GALNTL6: variants seen among roughly 807,000 people sequenced by gnomAD.
GALNTL6 encodes the protein polypeptide N-acetylgalactosaminyltransferase-like 6.
In GALNTL6, 46 loss-of-function variants were observed where a neutral mutation model predicts 73.7. The observed-to-expected ratio is 0.62, with a 90% confidence interval of 0.49 to 0.80. GALNTL6 has a LOEUF of 0.80. Among genes scored for constraint, GALNTL6 ranks in the 30% least tolerant of loss-of-function variants. GALNTL6 has a pLI of 0.00. For synonymous variants in GALNTL6, 259 were observed against 263.7 expected (o/e 0.98, Z 0.17); for missense variants, 604 against 755.0 (o/e 0.80, Z 2.34).
chr4:171,966,780 A>T (rs562552582), intron 2 of GALNTL6, among the ~76,000 whole-genome samples: 11 of 152,024 alleles, frequency 7.2e-5, no homozygotes, highest in Non-Finnish European at 1.5e-4. Context: ...TGCTCTTTCT[A>T]TTGTGTTATT....
chr4:172,684,044 G>A (rs1232075787), intron 5 of GALNTL6, among the ~76,000 whole-genome samples: 1 of 152,148 alleles, frequency 6.6e-6, no homozygotes, highest in Non-Finnish European at 1.5e-5. Flanking sequence ...CATCTATAAA[G>A]GATAGATCGC....
chr4:172,143,723 C>CT (rs1246670601), intron 2 of GALNTL6, among the ~76,000 whole-genome samples: 1 of 151,958 alleles, frequency 6.6e-6, no homozygotes, highest in Non-Finnish European at 1.5e-5. Context: ...GTTTTAGTTC[C>CT]TTTTTTGTTT....
At chr4:172,859,941 C>G (rs1438057362) in intron 7 of GALNTL6, among the ~76,000 whole-genome samples, 1 of 152,148 alleles carries the variant, frequency 6.6e-6, no homozygotes, top group Non-Finnish European at 1.5e-5. Flanking sequence ...AAGCTCAAGG[C>G]TCCCACTGTT....
chr4:172,367,678 A>G (rs1211370290), intron 5 of GALNTL6, among the ~76,000 whole-genome samples: 1 of 152,226 alleles, frequency 6.6e-6, no homozygotes, highest in Non-Finnish European at 1.5e-5. Context: ...AAATTAGGGT[A>G]GGAATTGTGC....
At chr4:172,278,392 T>C in intron 3 of GALNTL6, among the ~76,000 whole-genome samples, 1 of 152,210 alleles carries the variant, frequency 6.6e-6, no homozygotes, top group East Asian at 1.9e-4. Flanking sequence ...AAAACAGCTT[T>C]AAAATATCTA....
At chr4:172,405,623 C>T (rs1744214084) in intron 5 of GALNTL6, among the ~76,000 whole-genome samples, 1 of 151,458 alleles carries the variant, frequency 6.6e-6, no homozygotes, top group Non-Finnish European at 1.5e-5. Context: ...TGTCTTGAAA[C>T]AGCCCCCTAC....
intron 2 of GALNTL6, among the ~76,000 whole-genome samples, chr4:171,906,449 A>C (rs1578959509): frequency 1.3e-5 from 2 of 151,932 alleles, no homozygotes; most frequent in East Asian, 3.9e-4. Context: ...ACCAGGAAGA[A>C]GTTGAATCTC....
chr4:172,756,358 T>C (rs1292674615), intron 5 of GALNTL6, among the ~76,000 whole-genome samples: 2 of 152,174 alleles, frequency 1.3e-5, no homozygotes, highest in African/African-American at 2.4e-5. Flanking sequence ...AGAAATAAGA[T>C]GGGGGCTGGG....
chr4:172,153,213 G>A (rs1039665719), intron 2 of GALNTL6, among the ~76,000 whole-genome samples: 9 of 152,154 alleles, frequency 5.9e-5, no homozygotes, highest in African/African-American at 2.2e-4. Context: ...GGAAAGAAGA[G>A]CGGAAACTCG....
intron 2 of GALNTL6, among the ~76,000 whole-genome samples, chr4:172,208,373 T>G (rs1245086779): frequency 6.6e-6 from 1 of 152,184 alleles, no homozygotes; most frequent in Non-Finnish European, 1.5e-5. Context: ...ACCAATGTAT[T>G]ACTAAAAATG....
intron 5 of GALNTL6, among the ~76,000 whole-genome samples, chr4:172,513,887 G>A (rs1363310624): frequency 2.0e-5 from 3 of 152,180 alleles, no homozygotes; most frequent in Non-Finnish European, 4.4e-5. Context: ...CTCGTATGCT[G>A]GTTGTGCTGG....
At chr4:172,222,683 A>G (rs1175682338) in intron 2 of GALNTL6, among the ~76,000 whole-genome samples, 1 of 151,990 alleles carries the variant, frequency 6.6e-6, no homozygotes, top group Admixed American at 6.6e-5. Context: ...CTACACACCC[A>G]CCTTGGGGAA....
chr4:172,006,606 G>C (rs4349562), intron 2 of GALNTL6, among the ~76,000 whole-genome samples: 131,094 of 151,944 alleles, frequency 0.86, 58,448 homozygotes, highest in South Asian at 0.98. Flanking sequence ...CAGCCTGACA[G>C]AGTGAGACCC....
intron 2 of GALNTL6, among the ~76,000 whole-genome samples, chr4:172,082,647 C>A (rs2135197): frequency 0.099 from 15,039 of 152,114 alleles, 923 homozygotes; most frequent in Admixed American, 0.19. Flanking sequence ...GTATAAGAAC[C>A]AGGGACCAGT....
At chr4:172,697,878 C>A (rs530526823) in intron 5 of GALNTL6, among the ~76,000 whole-genome samples, 2 of 152,206 alleles carry the variant, frequency 1.3e-5, no homozygotes, top group African/African-American at 4.8e-5. Flanking sequence ...TAGTTTTTGA[C>A]CATGGTTCTT....
intron 2 of GALNTL6, among the ~76,000 whole-genome samples, chr4:172,167,164 A>T (rs1734654185): frequency 6.6e-6 from 1 of 152,218 alleles, no homozygotes; most frequent in African/African-American, 2.4e-5. Flanking sequence ...CCCATTTCAA[A>T]TATATTAAAT....
intron 2 of GALNTL6, among the ~76,000 whole-genome samples, chr4:171,858,757 G>A (rs17057501): frequency 0.012 from 1,794 of 152,114 alleles, 55 homozygotes; most frequent in East Asian, 0.11. Context: ...TAAAAGGAAT[G>A]CTTACAGGTT....
At chr4:172,796,968 T>C (rs570144213) in intron 5 of GALNTL6, among the ~76,000 whole-genome samples, 1 of 152,318 alleles carries the variant, frequency 6.6e-6, no homozygotes, top group African/African-American at 2.4e-5. Context: ...TTCACGGCTG[T>C]TCTTGTTAGC....
intron 5 of GALNTL6, among the ~76,000 whole-genome samples, chr4:172,355,496 G>A (rs1256121987): frequency 6.6e-6 from 1 of 152,052 alleles, no homozygotes; most frequent in African/African-American, 2.4e-5. Context: ...ATATTAGGTT[G>A]TATCTTAGTT....
Sources: allele counts gnomAD v4.1 joint callset (sites outside exome capture counted in the v4.1 genomes callset), GRCh38; gene constraint gnomAD v4.1.1; transcripts MANE v1.5; gene names NCBI Gene and HGNC (gene_info 2026-07-23, HGNC 2026-07-21).